C1QTNF6: variants seen among roughly 807,000 people sequenced by gnomAD.
C1QTNF6 encodes the protein C1q and TNF related 6, also known as complement C1q tumor necrosis factor-related protein 6.
In C1QTNF6, 17 loss-of-function variants were observed where a neutral mutation model predicts 20.7. The observed-to-expected ratio is 0.82, with a 90% CI of 0.56 to 1.23. The LOEUF is 1.23. C1QTNF6 is among the 50% of genes most tolerant of loss of function. C1QTNF6 has a pLI of 0.00. For missense variants in C1QTNF6, 329 were observed against 389.7 expected (o/e 0.84, Z 1.31); for synonymous variants, 130 against 156.3 (o/e 0.83, Z 1.25).
At chr22:37,183,110 C>G (rs5750388) in intron 2 of C1QTNF6, among the ~76,000 whole-genome samples, 1 of 152,228 alleles carries the variant, frequency 6.6e-6, no homozygotes, top group African/African-American at 2.4e-5. Flanking sequence ...GCAGTCCAGG[C>G]TGGCAGGGAT....
In C1QTNF6 at chr22:37,182,403, G is replaced by A; in HGVS notation, c.622C>T (p.His208Tyr). 6.2e-7 allele frequency: 1 copy of A among 1,614,256 alleles called. No homozygotes were observed. Among genetic ancestry groups the A allele is most frequent in the South Asian group, 1.1e-5 (1 of 91,092 alleles). Residue 208 changes from histidine to tyrosine, a missense_variant, in exon 3 of 3, where the codon CAC (histidine) becomes TAC (tyrosine). Physicochemically the swap from His to Tyr is moderately conservative, Grantham distance 83 (BLOSUM62 2). Transcript: ENST00000337843. ...HSWNYKETYV[H>Y]IMHNQKEAVI... is the part of the protein sequence containing the mutation. ...GCCTCTTTCTGGTTATGCATAATGT[G>A]CACGTACGTCTCCTTGTAATTCCAG...
At chr22:37,188,583 C>T (rs904362864), upstream of C1QTNF6, 14 of 190,716 alleles carry the variant, frequency 7.3e-5, no homozygotes, top group Non-Finnish European at 1.3e-4. Flanking sequence ...GGGAGGCAGC[C>T]CTGAGTCCAC....
chr22:37,182,765 G>A (rs1923909713), intron 2 of C1QTNF6, 30 bp from the exon 3 acceptor site: 2 of 1,549,164 alleles, frequency 1.3e-6, no homozygotes, highest in South Asian at 2.4e-5. Context: ...ACAAGTCAGG[G>A]TGGACATCTG....
chr22:37,188,913 G>C (rs911550703), upstream of C1QTNF6, among the ~76,000 whole-genome samples: 4 of 152,244 alleles, frequency 2.6e-5, no homozygotes, highest in African/African-American at 4.8e-5. Flanking sequence ...TTTGGGGTAA[G>C]TCCACAGAGC....
upstream of C1QTNF6, among the ~76,000 whole-genome samples, chr22:37,198,958 A>C (rs1400330175): frequency 6.6e-6 from 1 of 152,184 alleles, no homozygotes; most frequent in Non-Finnish European, 1.5e-5. Context: ...CGGATCCCAA[A>C]GGTGTTCAGC....
At chr22:37,186,847 T>C (rs1924391745) in intron 1 of C1QTNF6, among the ~76,000 whole-genome samples, 1 of 152,224 alleles carries the variant, frequency 6.6e-6, no homozygotes, top group Non-Finnish European at 1.5e-5. Flanking sequence ...TTAATACATG[T>C]AGACAAGGTA....
chr22:37,197,706 A>T (rs1308430315), exon 1 of C1QTNF6: 1 of 152,246 alleles, frequency 6.6e-6, no homozygotes, highest in Admixed American at 6.5e-5. Context: ...CAGAGCAGAC[A>T]AGAGAGAACT....
upstream of C1QTNF6, among the ~76,000 whole-genome samples, chr22:37,198,812 C>A (rs539594241): frequency 6.6e-6 from 1 of 152,034 alleles, no homozygotes; most frequent in Non-Finnish European, 1.5e-5. Context: ...CCCCACCCCC[C>A]ACACACAAAC....
chr22:37,198,762 C>T (rs11912382), upstream of C1QTNF6, among the ~76,000 whole-genome samples: 2,365 of 152,040 alleles, frequency 0.016, 69 homozygotes, highest in African/African-American at 0.054. Flanking sequence ...CGCCCATGCA[C>T]TCGCTTCTTC....
intron 2 of C1QTNF6, among the ~76,000 whole-genome samples, chr22:37,183,951 C>T (rs905680414): frequency 1.3e-5 from 2 of 152,144 alleles, no homozygotes; most frequent in African/African-American, 4.8e-5. Flanking sequence ...GGCTGGGACC[C>T]AGGACTCCCA....
Position 37,180,223 on chromosome 22 carries a change from G to T in C1QTNF6, c.*1965C>A, listed in dbSNP as rs1344498288. 1.3e-5 allele frequency: 2 copies of T among 152,842 alleles called. No homozygotes were observed. Among genetic ancestry groups the T allele is most frequent in the Non-Finnish European group, 2.9e-5 (2 of 68,262 alleles). The allele number at this position is 152,842 out of a possible 1,614,324, so 9.5% of individuals were successfully genotyped here. The stretch of plus-strand genomic sequence containing the variant: ...GGACGGCAGGGCGTGGCGGGGTCAG[G>T]CAGGGGCAGGATCAGGCAGGGTGGT... On this transcript the variant is annotated 3_prime_UTR_variant, in exon 3 of 3. Transcript: ENST00000337843.
chr22:37,189,674 T>C (rs1229255334), upstream of C1QTNF6, among the ~76,000 whole-genome samples: 1 of 152,200 alleles, frequency 6.6e-6, no homozygotes, highest in Non-Finnish European at 1.5e-5. Flanking sequence ...TTTGTAACTC[T>C]GAGTCCTAAC....
At chr22:37,192,155 A>G (rs1924861672), upstream of C1QTNF6, among the ~76,000 whole-genome samples, 2 of 152,164 alleles carry the variant, frequency 1.3e-5, no homozygotes, top group African/African-American at 4.8e-5. Flanking sequence ...CAATCCTTTA[A>G]CCCTCTAAAG....
upstream of C1QTNF6, chr22:37,190,864 C>G (rs1364772400): frequency 6.6e-6 from 1 of 152,148 alleles, no homozygotes; most frequent in African/African-American, 2.4e-5. Context: ...ATAATCCTTA[C>G]CGGAGCGTAC....
upstream of C1QTNF6, chr22:37,199,339 AC>A (rs1412181944): frequency 2.6e-5 from 4 of 152,382 alleles, no homozygotes; most frequent in African/African-American, 9.6e-5. Flanking sequence ...CGACAGCGCC[AC>A]GGGCCCGAGG....
At position 37,184,837 on chromosome 22, in the gene C1QTNF6, T is replaced by C. The variant is rs925216467; in HGVS notation, c.289+381A>G. On this transcript the variant is annotated intron_variant, in intron 2 of 2. Coordinates refer to ENST00000337843, the MANE Select transcript of C1QTNF6 (RefSeq NM_031910.4). This position sits in a 1 kb window ranked among gnomAD's most constrained non-coding sequence, Gnocchi z 4.0. Reference sequence around the variant, plus strand: ...GCCAGGAGGCTCCTCCACCACCTCTTAGAAGCCTGTGCTCCATGGGTCCTC... The same window carrying C: ...GCCAGGAGGCTCCTCCACCACCTCTCAGAAGCCTGTGCTCCATGGGTCCTC... Among the ~76,000 whole-genome samples, 5 of 152,068 alleles carry C rather than the reference T, an allele frequency of 3.3e-5. No individual in the cohort carries two copies. Among genetic ancestry groups the C allele is most frequent in the African/African-American group, 1.2e-4 (5 of 41,402 alleles).
upstream of C1QTNF6, chr22:37,188,434 T>C: frequency 2.2e-6 from 1 of 463,486 alleles, no homozygotes; most frequent in Middle Eastern, 5.7e-4. Flanking sequence ...TTCCTTTGCT[T>C]AACTCTTTGG....
chr22:37,187,389 C>T (rs1043233024), intron 1 of C1QTNF6, among the ~76,000 whole-genome samples: 9 of 152,134 alleles, frequency 5.9e-5, no homozygotes, highest in African/African-American at 2.2e-4. Flanking sequence ...ATGAGAAAAG[C>T]TGAGGTCTTA....
At chr22:37,186,346 G>C (rs539649318) in intron 1 of C1QTNF6, among the ~76,000 whole-genome samples, 1 of 152,354 alleles carries the variant, frequency 6.6e-6, no homozygotes, top group South Asian at 2.1e-4. Flanking sequence ...CAGCACCTTT[G>C]TGCAGTCAAC....
Sources: allele counts gnomAD v4.1 joint callset (sites outside exome capture counted in the v4.1 genomes callset), GRCh38; gene constraint gnomAD v4.1.1; non-coding constraint Gnocchi (gnomAD v3.1); transcripts MANE v1.5; gene names NCBI Gene and HGNC (gene_info 2026-07-23, HGNC 2026-07-21).